The following PTPRK variants were observed in gnomAD, a reference collection of about 807,000 sequenced individuals.
The protein encoded by PTPRK is receptor-type tyrosine-protein phosphatase kappa.
A neutral mutation model predicts 178.0 loss-of-function variants in PTPRK; 75 were observed. That is an observed-to-expected ratio of 0.42 (90% CI 0.35 to 0.51). The LOEUF is 0.51. Among genes scored for constraint, PTPRK ranks in the 20% least tolerant of loss-of-function variants. The pLI is 0.02. For missense variants in PTPRK, 1,441 were observed against 1,797.8 expected (o/e 0.80, Z 3.59); for synonymous variants, 637 against 620.6 (o/e 1.03, Z -0.39).
At chr6:128,452,767 A>G (rs537426109) in intron 1 of PTPRK, among the ~76,000 whole-genome samples, 1 of 152,204 alleles carries the variant, frequency 6.6e-6, no homozygotes, top group Non-Finnish European at 1.5e-5. Flanking sequence ...ATTGGGCCAT[A>G]TTCTATAAAA....
At chr6:128,239,570 C>T (rs1358331683) in intron 5 of PTPRK, among the ~76,000 whole-genome samples, 1 of 152,106 alleles carries the variant, frequency 6.6e-6, no homozygotes, top group East Asian at 1.9e-4. Context: ...GTGATTAACC[C>T]TCAAACTCAA....
At chr6:128,401,242 T>A (rs1840975482) in intron 1 of PTPRK, among the ~76,000 whole-genome samples, 1 of 152,200 alleles carries the variant, frequency 6.6e-6, no homozygotes, top group South Asian at 2.1e-4. Context: ...CTTGCCAGAA[T>A]ATCTTTTTAC....
At chr6:128,190,697 C>T (rs141039383) in intron 6 of PTPRK, among the ~76,000 whole-genome samples, 2,139 of 151,852 alleles carry the variant, frequency 0.014, 49 homozygotes, top group African/African-American at 0.05. Context: ...TGGGGTTTTA[C>T]CATGTTGGCC....
rs1457828378 is a variant in PTPRK at position 128,194,076 on chromosome 6, T to TA, written c.869-9352_869-9351insT. Among the ~76,000 whole-genome samples the TA allele has an allele frequency of 7.9e-4, 115 of 145,956 alleles. 1 individual carries two copies. Among genetic ancestry groups the TA allele is most frequent in the African/African-American group, 2.7e-3 (109 of 40,064 alleles). On this transcript the variant is annotated intron_variant, in intron 6 of 29. Transcript: ENST00000368226. Reference sequence around the variant, plus strand: ...AATATTTATATATATATTATTATTATTATTATTATTATTATTATTATTATT... The same window carrying TA: ...AATATTTATATATATATTATTATTATATATTATTATTATTATTATTATTATT...
At chr6:128,260,880 T>G (rs1818078275) in intron 3 of PTPRK, among the ~76,000 whole-genome samples, 2 of 152,186 alleles carry the variant, frequency 1.3e-5, no homozygotes, top group South Asian at 4.1e-4. Context: ...TTAGCAAGCT[T>G]AACATTTAAT....
chr6:128,293,869 A>T (rs940754945), intron 3 of PTPRK, among the ~76,000 whole-genome samples: 1 of 152,090 alleles, frequency 6.6e-6, no homozygotes, highest in African/African-American at 2.4e-5. Flanking sequence ...CACAAAAGAG[A>T]CACACGATCA....
chr6:128,317,134 C>T (rs1828114472), intron 3 of PTPRK, among the ~76,000 whole-genome samples: 1 of 152,038 alleles, frequency 6.6e-6, no homozygotes, highest in African/African-American at 2.4e-5. Flanking sequence ...CTTCAGAAGT[C>T]ACTGATACAG....
At chr6:128,415,165 G>T (rs562425371) in intron 1 of PTPRK, among the ~76,000 whole-genome samples, 6 of 152,098 alleles carry the variant, frequency 3.9e-5, no homozygotes, top group Non-Finnish European at 8.8e-5. Flanking sequence ...ACACAACCTG[G>T]CAGAAAACAC....
At chr6:128,353,113 C>T (rs1833415845) in intron 2 of PTPRK, among the ~76,000 whole-genome samples, 1 of 152,092 alleles carries the variant, frequency 6.6e-6, no homozygotes, top group Admixed American at 6.6e-5. Flanking sequence ...GTTTAGCAAG[C>T]ACATGAAAAC....
chr6:128,478,051 T>C (rs187153628), intron 1 of PTPRK, among the ~76,000 whole-genome samples: 14 of 152,252 alleles, frequency 9.2e-5, no homozygotes, highest in Admixed American at 2.0e-4. Flanking sequence ...TTTAAACTCA[T>C]TGAAAGAGAG....
chr6:128,119,334 A>C (rs1480537324), intron 7 of PTPRK, among the ~76,000 whole-genome samples: 1 of 151,978 alleles, frequency 6.6e-6, no homozygotes, highest in Non-Finnish European at 1.5e-5. Flanking sequence ...AAAGATCAAA[A>C]TGAATTGTAT....
chr6:127,995,252 C>T (rs1441389638), intron 18 of PTPRK: 1 of 1,603,576 alleles, frequency 6.2e-7, no homozygotes, highest in South Asian at 1.1e-5. Flanking sequence ...TACTTACATC[C>T]CTGTACAGCC....
chr6:127,987,566 C>T (rs1202251278), intron 21 of PTPRK, among the ~76,000 whole-genome samples: 1 of 151,972 alleles, frequency 6.6e-6, no homozygotes, highest in African/African-American at 2.4e-5. Context: ...AATATTTATG[C>T]AGATTTGGTC....
intron 1 of PTPRK, chr6:128,500,596 T>C (rs1855407303): frequency 6.6e-6 from 1 of 152,200 alleles, no homozygotes; most frequent in Non-Finnish European, 1.5e-5. Context: ...AATAAATCCC[T>C]GAGAGTTTAT....
intron 3 of PTPRK, among the ~76,000 whole-genome samples, chr6:128,269,415 G>A (rs1819446745): frequency 6.6e-6 from 1 of 151,830 alleles, no homozygotes; most frequent in African/African-American, 2.4e-5. Flanking sequence ...GACAGAGATA[G>A]CTACATAAAT....
At chr6:128,293,139 T>C (rs1432957271) in intron 3 of PTPRK, among the ~76,000 whole-genome samples, 1 of 152,124 alleles carries the variant, frequency 6.6e-6, no homozygotes, top group Admixed American at 6.6e-5. Context: ...TATATCAGTA[T>C]AGAATAAGTG....
chr6:127,985,141 G>A (rs1775799982), intron 22 of PTPRK, among the ~76,000 whole-genome samples: 1 of 152,128 alleles, frequency 6.6e-6, no homozygotes, highest in Non-Finnish European at 1.5e-5. Context: ...ATCTCTAAAT[G>A]CTTGTTTTAA....
chr6:128,009,416 AAATAC>A, intron 13 of PTPRK, 148 bp from the exon 14 acceptor site: 1 of 702,212 alleles, frequency 1.4e-6, no homozygotes. Context: ...AAGCATGCTA[AAATAC>A]AATACGAGAT....
intron 2 of PTPRK, among the ~76,000 whole-genome samples, chr6:128,382,463 A>G (rs1838081486): frequency 6.8e-6 from 1 of 146,998 alleles, no homozygotes; most frequent in South Asian, 2.1e-4. Flanking sequence ...GCTGGAGTGC[A>G]GTGGTGTGAT....
Sources: allele counts gnomAD v4.1 joint callset (sites outside exome capture counted in the v4.1 genomes callset), GRCh38; gene constraint gnomAD v4.1.1; transcripts MANE v1.5; gene names NCBI Gene and HGNC (gene_info 2026-07-23, HGNC 2026-07-21).